MPDZ: variants seen among roughly 807,000 people sequenced by gnomAD.
MPDZ encodes multiple PDZ domain protein.
In MPDZ, 234 loss-of-function variants were observed where a neutral mutation model predicts 239.1. The ratio of observed to expected loss-of-function variants is 0.98; its 90% CI spans 0.88 to 1.09. The LOEUF (loss-of-function observed/expected upper bound fraction) is 1.09, where lower values mean the gene tolerates loss of function less well. Among genes scored for constraint, MPDZ ranks in the 50% least tolerant of loss-of-function variants. The pLI, the probability that MPDZ is intolerant of heterozygous loss-of-function variation, is 0.00. For missense variants in MPDZ, 3,175 were observed against 2,510.0 expected (o/e 1.26, Z -5.66); for synonymous variants, 1,048 against 881.3 (o/e 1.19, Z -3.35).
intron 10 of MPDZ, among the ~76,000 whole-genome samples, chr9:13,216,487 G>A (rs1484215920): frequency 6.6e-6 from 1 of 151,204 alleles, no homozygotes; most frequent in African/African-American, 2.4e-5. Context: ...GAACGTATAA[G>A]TGTAATATTA....
intron 36 of MPDZ, among the ~76,000 whole-genome samples, chr9:13,122,523 C>CTTTTTTTTTTTTTTTT (rs1193402258): frequency 8.5e-5 from 12 of 141,160 alleles, no homozygotes; most frequent in African/African-American, 2.9e-4. Flanking sequence ...TTTTCAAACT[C>CTTTTTTTTTTTTTTTT]TTTTTTTTTT....
chr9:13,235,743 C>T (rs1963768756), intron 3 of MPDZ, among the ~76,000 whole-genome samples: 1 of 152,164 alleles, frequency 6.6e-6, no homozygotes, highest in Non-Finnish European at 1.5e-5. Flanking sequence ...ATTTTCTGCA[C>T]CTGCCCCTAT....
At chr9:13,198,735 C>CTGTGTGTGTG (rs1243812686) in intron 12 of MPDZ, among the ~76,000 whole-genome samples, 125 of 17,096 alleles carry the variant, frequency 7.3e-3, no homozygotes, top group Admixed American at 0.033. Context: ...TAATCTCTCT[C>CTGTGTGTGTG]TCTGTGTGTG....
intron 1 of MPDZ, among the ~76,000 whole-genome samples, chr9:13,260,877 G>T (rs1029793879): frequency 6.6e-6 from 1 of 152,112 alleles, no homozygotes; most frequent in African/African-American, 2.4e-5. Flanking sequence ...TAAACAATTT[G>T]TTATGGCAGC....
At chr9:13,186,204 T>C in intron 18 of MPDZ, 66 bp downstream of exon 18, 1 of 836,968 alleles carries the variant, frequency 1.2e-6, no homozygotes, top group African/African-American at 1.7e-5. Context: ...CTTCAGAATA[T>C]TTTGAAAGGC....
rs565275620 is a variant in MPDZ, at chr9:13,157,128, C to T, written c.3452+890G>A. Among the ~76,000 whole-genome samples the T allele has an allele frequency of 2.9e-4, 44 of 152,238 alleles. 1 individual carries two copies. The South Asian group carries it at 8.3e-3, about 29-fold the overall frequency. On this transcript the variant is annotated intron_variant, in intron 24 of 46. Coordinates refer to ENST00000319217, the MANE Select transcript of MPDZ (RefSeq NM_001378778.1). Reference sequence around the variant, plus strand: ...CGTCATTAAATTGCACTGGCATTTACGAATATTACAAATTCTTCTCTTGAG... The same window carrying T: ...CGTCATTAAATTGCACTGGCATTTATGAATATTACAAATTCTTCTCTTGAG...
chr9:13,118,776 T>C (rs951421173), intron 39 of MPDZ, among the ~76,000 whole-genome samples: 4 of 152,236 alleles, frequency 2.6e-5, no homozygotes, highest in Admixed American at 1.3e-4. Flanking sequence ...AATTCATTTT[T>C]AAAATGAAAC....
chr9:13,121,082 T>G (rs1002147966), intron 38 of MPDZ, among the ~76,000 whole-genome samples: 5 of 152,222 alleles, frequency 3.3e-5, no homozygotes, highest in South Asian at 2.1e-4. Context: ...TAAAATGTAC[T>G]CATATACAAA....
At chr9:13,269,770 C>T (rs1972551724) in intron 1 of MPDZ, among the ~76,000 whole-genome samples, 1 of 152,136 alleles carries the variant, frequency 6.6e-6, no homozygotes, top group South Asian at 2.1e-4. Context: ...CATTGGTAGT[C>T]CACACTGCTG....
chr9:13,233,406 A>G (rs963552313), intron 3 of MPDZ, among the ~76,000 whole-genome samples: 17 of 152,206 alleles, frequency 1.1e-4, no homozygotes, highest in African/African-American at 4.1e-4. Flanking sequence ...CAAAGAAGTC[A>G]GGCACAAAGC....
At chr9:13,158,698 A>ACAACG (rs1250880905) in intron 23 of MPDZ, among the ~76,000 whole-genome samples, 6 of 152,194 alleles carry the variant, frequency 3.9e-5, no homozygotes, top group African/African-American at 1.4e-4. Flanking sequence ...GAAGCAGTTT[A>ACAACG]CAACGCGTCT....
intron 39 of MPDZ, among the ~76,000 whole-genome samples, chr9:13,115,817 C>A (rs1395274872): frequency 1.3e-5 from 2 of 151,792 alleles, no homozygotes; most frequent in African/African-American, 2.4e-5. Flanking sequence ...TGGTGGCAGG[C>A]GCCTGTAGTC....
chr9:13,227,189 A>C (rs2136520474), intron 3 of MPDZ, among the ~76,000 whole-genome samples: 1 of 152,128 alleles, frequency 6.6e-6, no homozygotes, highest in African/African-American at 2.4e-5. Context: ...AAAACAGAAA[A>C]CTCATTAAGT....
chr9:13,213,532 A>C (rs1053036911), intron 10 of MPDZ, among the ~76,000 whole-genome samples: 1 of 152,064 alleles, frequency 6.6e-6, no homozygotes, highest in Non-Finnish European at 1.5e-5. Context: ...AAATATCTCA[A>C]AAGTCCACAA....
chr9:13,270,790 C>T (rs966777769), intron 1 of MPDZ, among the ~76,000 whole-genome samples: 4 of 152,122 alleles, frequency 2.6e-5, no homozygotes, highest in Non-Finnish European at 4.4e-5. Context: ...CCCTCTCCAA[C>T]TCTTGGGGTG....
intron 3 of MPDZ, among the ~76,000 whole-genome samples, chr9:13,245,482 C>T (rs1195130328): frequency 1.3e-5 from 2 of 150,948 alleles, no homozygotes; most frequent in African/African-American, 4.9e-5. Flanking sequence ...TTCTACTCTA[C>T]TCTTATAATC....
In MPDZ at chr9:13,126,756, C is replaced by G. The variant is rs753824460; in HGVS notation, c.4481G>C (p.Gly1494Ala). 1.2e-6 allele frequency: 2 copies of G among 1,613,754 alleles called. No individual in the cohort carries two copies. Among genetic ancestry groups the G allele is most frequent in the East Asian group, 4.5e-5 (2 of 44,858 alleles). Residue 1494 changes from glycine (G) to alanine (A), a missense_variant, in exon 33 of 47, where the codon GGT becomes GCT. Transcript: ENST00000319217. ...LELPKDQGGL[G>A]IAISEEDTLS... Reference sequence around the variant, plus strand: ...TGTATCTTCTTCGCTGATAGCAATACCCAAACCCCCCTGATCCTAGAAAAG... The same window carrying G: ...TGTATCTTCTTCGCTGATAGCAATAGCCAAACCCCCCTGATCCTAGAAAAG...
chr9:13,193,218 C>T lies in MPDZ; in HGVS notation c.1752G>A (p.Glu584=), dbSNP rs988324832. ...GHHFIRSVLP[E]GPVGHSGKLF... ...GCTTCCCGCTGTGTCCAACAGGACC[C>T]TCTGGTAGAACAGATCGGATAAAAT... The change falls in exon 14 of 47, where the codon GAG becomes GAA. Residue 584 remains glutamate, a synonymous_variant. Transcript: ENST00000319217. The T allele has an allele frequency of 1.2e-6, 2 of 1,608,924 alleles. No homozygotes were observed. The highest frequency in any genetic ancestry group is 3.3e-5 in the Admixed American group (2 of 59,878).
chr9:13,138,147 A>G lies in MPDZ; in HGVS notation c.4010T>C (p.Ile1337Thr), dbSNP rs1181860501. 3.2e-6 allele frequency: 5 copies of G among 1,576,996 alleles called. No homozygotes were observed. The highest frequency in any genetic ancestry group is 4.3e-6 in the Non-Finnish European group (5 of 1,161,818). Reference protein sequence around the residue: ...EDEFGYSWKNIRERYGTLTGE... With the variant: ...EDEFGYSWKNTRERYGTLTGE... Reference sequence around the variant, plus strand: ...TGTTAGGGTTCCATAACGCTCTCTGATATTTTCTACATACAACAACAACAA... The same window carrying G: ...TGTTAGGGTTCCATAACGCTCTCTGGTATTTTCTACATACAACAACAACAA... The change falls in exon 29 of 47, where the codon ATC (isoleucine) becomes ACC (threonine). Residue 1337 changes from isoleucine to threonine, a missense_variant. Ile to Thr is a moderately conservative substitution (Grantham distance 89). Transcript: ENST00000319217.
Sources: allele counts gnomAD v4.1 joint callset (sites outside exome capture counted in the v4.1 genomes callset), GRCh38; gene constraint gnomAD v4.1.1; transcripts MANE v1.5; gene names NCBI Gene and HGNC (gene_info 2026-07-23, HGNC 2026-07-21).